The following GPC5 variants were observed in gnomAD, a reference collection of about 807,000 sequenced individuals.
The protein encoded by GPC5 is glypican-5.
A neutral mutation model predicts 53.9 loss-of-function variants in GPC5; 47 were observed. The ratio of observed to expected loss-of-function variants is 0.87; its 90% CI spans 0.69 to 1.11. The LOEUF is 1.11. GPC5 is among the 50% of genes most tolerant of loss of function. The pLI is 0.00. For synonymous variants in GPC5, 286 were observed against 263.3 expected (o/e 1.09, Z -0.84); for missense variants, 748 against 713.1 (o/e 1.05, Z -0.56).
intron 7 of GPC5, among the ~76,000 whole-genome samples, chr13:92,535,642 C>G (rs1275386661): frequency 6.7e-6 from 1 of 148,810 alleles, no homozygotes; most frequent in East Asian, 2.0e-4. Flanking sequence ...AGCTTTAAGA[C>G]TAGAATAGTC....
At chr13:92,794,596 C>G (rs1195549774) in intron 7 of GPC5, among the ~76,000 whole-genome samples, 1 of 152,116 alleles carries the variant, frequency 6.6e-6, no homozygotes, top group East Asian at 1.9e-4. Flanking sequence ...GTCAAATTGT[C>G]CCTGTTTGCA....
intron 7 of GPC5, among the ~76,000 whole-genome samples, chr13:92,674,892 A>T (rs896446647): frequency 2.6e-5 from 4 of 152,130 alleles, no homozygotes; most frequent in Non-Finnish European, 5.9e-5. Context: ...AATATAGAAA[A>T]AAAGAGAAAT....
At chr13:92,070,456 T>C (rs746901976) in intron 6 of GPC5, among the ~76,000 whole-genome samples, 9 of 152,206 alleles carry the variant, frequency 5.9e-5, no homozygotes, top group Non-Finnish European at 1.5e-5. Flanking sequence ...CATCCTCAAG[T>C]GCCTACTCAA....
At chr13:91,581,307 G>A (rs567264751) in intron 2 of GPC5, among the ~76,000 whole-genome samples, 1 of 152,220 alleles carries the variant, frequency 6.6e-6, no homozygotes, top group African/African-American at 2.4e-5. Flanking sequence ...AGATAGGAAA[G>A]TAGAGTGGAA....
chr13:91,581,881 G>C (rs1250124865), intron 2 of GPC5, among the ~76,000 whole-genome samples: 1 of 152,060 alleles, frequency 6.6e-6, no homozygotes, highest in Admixed American at 6.6e-5. Context: ...ACTAAGAACA[G>C]TTAGGAAATC....
chr13:91,656,176 G>A (rs117829989), intron 2 of GPC5, among the ~76,000 whole-genome samples: 359 of 152,266 alleles, frequency 2.4e-3, no homozygotes, highest in African/African-American at 3.1e-3. Flanking sequence ...AACAGAGGCA[G>A]CGTGGAGTAA....
intron 6 of GPC5, among the ~76,000 whole-genome samples, chr13:91,994,109 A>T (rs556966207): frequency 1.3e-5 from 2 of 152,354 alleles, no homozygotes; most frequent in East Asian, 3.9e-4. Flanking sequence ...TATTACCAAA[A>T]TGTTGCCCAG....
intron 7 of GPC5, among the ~76,000 whole-genome samples, chr13:92,335,242 C>T (rs763592825): frequency 6.6e-5 from 10 of 152,090 alleles, no homozygotes; most frequent in African/African-American, 9.7e-5. Context: ...TGTATACCTG[C>T]GAGACCCACA....
intron 7 of GPC5, among the ~76,000 whole-genome samples, chr13:92,521,837 G>A (rs910011261): frequency 1.8e-4 from 27 of 152,088 alleles, no homozygotes; most frequent in Non-Finnish European, 3.7e-4. Flanking sequence ...AGAGTGAACA[G>A]GCAACTTACA....
At chr13:91,439,232 A>G (rs554870068) in intron 1 of GPC5, among the ~76,000 whole-genome samples, 40 of 152,200 alleles carry the variant, frequency 2.6e-4, no homozygotes, top group Non-Finnish European at 4.6e-4. Context: ...AGACATTTTG[A>G]TTGTTATAGC....
intron 1 of GPC5, among the ~76,000 whole-genome samples, chr13:91,446,237 A>C (rs1283671443): frequency 6.6e-6 from 1 of 152,198 alleles, no homozygotes; most frequent in Non-Finnish European, 1.5e-5. Flanking sequence ...GAAAATATAC[A>C]GGCATGTAGA....
intron 1 of GPC5, among the ~76,000 whole-genome samples, chr13:91,441,102 T>C (rs1355459757): frequency 6.6e-6 from 1 of 152,206 alleles, no homozygotes; most frequent in African/African-American, 2.4e-5. Flanking sequence ...AATCCCCTGC[T>C]TTTTTTCTTC....
At chr13:92,775,887 C>A (rs968876784) in intron 7 of GPC5, among the ~76,000 whole-genome samples, 2 of 152,170 alleles carry the variant, frequency 1.3e-5, no homozygotes, top group African/African-American at 4.8e-5. Flanking sequence ...TTGATGAAAT[C>A]TTCATTCACC....
At chr13:92,855,284 T>C (rs1437316527) in intron 7 of GPC5, among the ~76,000 whole-genome samples, 2 of 152,054 alleles carry the variant, frequency 1.3e-5, no homozygotes, top group African/African-American at 4.8e-5. Flanking sequence ...TAGGAATGTA[T>C]ACATCCTATA....
chr13:91,888,060 C>T (rs141570554), intron 5 of GPC5, among the ~76,000 whole-genome samples: 3 of 152,112 alleles, frequency 2.0e-5, no homozygotes, highest in Non-Finnish European at 2.9e-5. Flanking sequence ...AAGAAATATG[C>T]GAGAATGAGT....
intron 7 of GPC5, among the ~76,000 whole-genome samples, chr13:92,175,803 A>T (rs1449013918): frequency 6.6e-6 from 1 of 151,346 alleles, no homozygotes; most frequent in African/African-American, 2.5e-5. Context: ...AAAAAAAAAC[A>T]TCTCCCTACA....
intron 7 of GPC5, among the ~76,000 whole-genome samples, chr13:92,225,799 C>CT (rs1367518718): frequency 2.0e-5 from 3 of 151,702 alleles, no homozygotes; most frequent in East Asian, 1.9e-4. Flanking sequence ...AGTTTTATGT[C>CT]TTTTTTTTCT....
At chr13:92,845,999 T>C (rs766384413) in intron 7 of GPC5, among the ~76,000 whole-genome samples, 6 of 152,230 alleles carry the variant, frequency 3.9e-5, no homozygotes, top group Non-Finnish European at 7.4e-5. Flanking sequence ...TGAGAAACCA[T>C]ACCTATCAGT....
intron 7 of GPC5, among the ~76,000 whole-genome samples, chr13:92,442,345 G>C (rs1051371132): frequency 6.6e-6 from 1 of 152,054 alleles, no homozygotes; most frequent in African/African-American, 2.4e-5. Context: ...TGGGAAACTT[G>C]AGTGGATACA....
Sources: allele counts gnomAD v4.1 joint callset (sites outside exome capture counted in the v4.1 genomes callset), GRCh38; gene constraint gnomAD v4.1.1; transcripts MANE v1.5; gene names NCBI Gene and HGNC (gene_info 2026-07-23, HGNC 2026-07-21).